The following SESN3 variants were observed in gnomAD, a reference collection of about 807,000 sequenced individuals.
SESN3 encodes the protein sestrin-3.
SESN3 carries 21 observed loss-of-function variants against 55.3 expected under a neutral mutation model. The observed-to-expected ratio is 0.38, with a 90% CI of 0.27 to 0.55. The LOEUF (loss-of-function observed/expected upper bound fraction) is 0.55. SESN3 is among the 20% of genes least tolerant of loss of function. The probability of loss-of-function intolerance (pLI) is 0.76; values close to 1 mark genes in which losing one functional copy is unlikely to be tolerated. For missense variants in SESN3, 408 were observed against 604.3 expected (o/e 0.68, Z 3.41); for synonymous variants, 181 against 203.1 (o/e 0.89, Z 0.93).
chr11:95,218,647 CT>C (rs68150878), intron 1 of SESN3, among the ~76,000 whole-genome samples: 25,107 of 121,776 alleles, frequency 0.21, 1,629 homozygotes, highest in Middle Eastern at 0.26. Flanking sequence ...GATTTACCCT[CT>C]TTTTTTTTTT....
chr11:95,198,959 T>G (rs1324344324), intron 1 of SESN3, among the ~76,000 whole-genome samples: 2 of 152,122 alleles, frequency 1.3e-5, no homozygotes, highest in Non-Finnish European at 2.9e-5. Flanking sequence ...AAAAGATTGA[T>G]TTGAATGTTA....
At chr11:95,186,471 C>G (rs1860169096) in intron 4 of SESN3, among the ~76,000 whole-genome samples, 1 of 151,630 alleles carries the variant, frequency 6.6e-6, no homozygotes, top group Admixed American at 6.6e-5. Flanking sequence ...CATCCTATGG[C>G]CAGGGGAGAT....
chr11:95,223,351 C>G (rs1349856147), intron 1 of SESN3, among the ~76,000 whole-genome samples: 1 of 152,208 alleles, frequency 6.6e-6, no homozygotes, highest in Admixed American at 6.5e-5. Flanking sequence ...TCAAGCCAAA[C>G]AGACTAACCT....
rs553823820 is a variant in SESN3, at chr11:95,168,390, GA to G, written c.*4864del. 19 of 152,144 alleles carry G rather than the reference GA, an allele frequency of 1.2e-4. No homozygotes were observed. Among genetic ancestry groups the G allele is most frequent in the Non-Finnish European group, 2.4e-4 (16 of 68,016 alleles). 9.4% of individuals were successfully genotyped at this position (152,144 alleles called of 1,614,324 possible). ...GTTATATGCTAAATTCTGAACGATAGAAATAGTTCAATTTCTGTATCATGTA... is the reference window on the plus strand; with the variant it reads ...GTTATATGCTAAATTCTGAACGATAGAATAGTTCAATTTCTGTATCATGTA... On this transcript the variant is annotated 3_prime_UTR_variant, in exon 10 of 10. Coordinates refer to ENST00000536441, the MANE Select transcript of SESN3 (RefSeq NM_144665.4).
At chr11:95,200,719 C>G (rs747594302) in intron 1 of SESN3, among the ~76,000 whole-genome samples, 2 of 152,024 alleles carry the variant, frequency 1.3e-5, no homozygotes, top group African/African-American at 2.4e-5. Flanking sequence ...CCAAGGCTAT[C>G]AAGTCCTTCC....
chr11:95,210,896 A>C (rs917812837), intron 1 of SESN3, among the ~76,000 whole-genome samples: 1 of 152,216 alleles, frequency 6.6e-6, no homozygotes, highest in South Asian at 2.1e-4. Flanking sequence ...AATACTCTAT[A>C]AACATTCTTC....
At chr11:95,182,696 G>A (rs891249639) in intron 6 of SESN3, among the ~76,000 whole-genome samples, 1 of 152,292 alleles carries the variant, frequency 6.6e-6, no homozygotes, top group African/African-American at 2.4e-5. Context: ...CCAAAATACG[G>A]TAGGTTACAT....
chr11:95,215,853 C>T (rs1381284902), intron 1 of SESN3, among the ~76,000 whole-genome samples: 2 of 152,024 alleles, frequency 1.3e-5, no homozygotes, highest in African/African-American at 2.4e-5. Flanking sequence ...AGTCCCAGCA[C>T]TTTGGGAGGC....
chr11:95,214,613 TTATA>T (rs61619892), intron 1 of SESN3, among the ~76,000 whole-genome samples: 1 of 151,294 alleles, frequency 6.6e-6, no homozygotes, highest in Admixed American at 6.6e-5. Context: ...CATCCATAAT[TTATA>T]TATATATATG....
chr11:95,198,430 C>G (rs1860403345), intron 1 of SESN3, among the ~76,000 whole-genome samples: 1 of 150,750 alleles, frequency 6.6e-6, no homozygotes, highest in Non-Finnish European at 1.5e-5. Context: ...AAGGATTGCT[C>G]TATGCTATAA....
intron 1 of SESN3, among the ~76,000 whole-genome samples, chr11:95,197,815 G>A (rs766447847): frequency 1.1e-4 from 16 of 152,072 alleles, no homozygotes; most frequent in East Asian, 3.8e-4. Context: ...CACAGGATAC[G>A]AAAATGAGCA....
intron 1 of SESN3, among the ~76,000 whole-genome samples, chr11:95,219,021 T>C (rs944850292): frequency 2.0e-5 from 3 of 152,264 alleles, no homozygotes; most frequent in East Asian, 1.9e-4. Context: ...GAATACTTAC[T>C]AGTTTATGCA....
chr11:95,203,504 A>G (rs1209088964), intron 1 of SESN3, among the ~76,000 whole-genome samples: 1 of 152,162 alleles, frequency 6.6e-6, no homozygotes, highest in Non-Finnish European at 1.5e-5. Flanking sequence ...ACTTAAAAGA[A>G]CAGAAGTCTT....
intron 1 of SESN3, among the ~76,000 whole-genome samples, chr11:95,197,105 T>G (rs994941841): frequency 6.6e-6 from 1 of 152,198 alleles, no homozygotes; most frequent in Non-Finnish European, 1.5e-5. Flanking sequence ...TCCTTCTTTC[T>G]TTCTTGTGGT....
intron 1 of SESN3, among the ~76,000 whole-genome samples, chr11:95,207,158 T>G (rs1019862472): frequency 3.9e-5 from 1 of 25,334 alleles, no homozygotes; most frequent in African/African-American, 1.2e-4. Context: ...TTTAAAACAC[T>G]TACTTCCAAA....
At chr11:95,176,546 T>C (rs7932742) in intron 8 of SESN3, among the ~76,000 whole-genome samples, 3,938 of 152,240 alleles carry the variant, frequency 0.026, 174 homozygotes, top group African/African-American at 0.09. Flanking sequence ...TAGACAGTAA[T>C]GACAGCAGAG....
In SESN3 at chr11:95,231,006, C is replaced by G. The variant is rs1861050747; in HGVS notation, c.-146G>C. On this transcript the variant is annotated 5_prime_UTR_variant, in exon 1 of 10. Transcript: ENST00000536441. ...GGCGGGATGTCGGGAGGAGAGGCGA[C>G]TGCCTGAAAGCTAGCGGCACTGCCA... 5 of 483,336 alleles carry G rather than the reference C, an allele frequency of 1.0e-5. No individual in the cohort carries two copies. In the South Asian group the frequency reaches 1.5e-4, roughly 15 times the overall value. The allele number at this position is 483,336 out of a possible 1,614,324, so 29.9% of individuals were successfully genotyped here.
chr11:95,201,032 A>G (rs1174356507), intron 1 of SESN3: 4 of 151,996 alleles, frequency 2.6e-5, no homozygotes, highest in African/African-American at 9.7e-5. Context: ...TCTAGTTTTT[A>G]CAGCTTTATG....
chr11:95,174,837 A>G (rs1003805019), intron 9 of SESN3, among the ~76,000 whole-genome samples: 2 of 152,014 alleles, frequency 1.3e-5, no homozygotes, highest in African/African-American at 4.8e-5. Flanking sequence ...TTGACTAGTA[A>G]CCCAATTTTG....
Sources: allele counts gnomAD v4.1 joint callset (sites outside exome capture counted in the v4.1 genomes callset), GRCh38; gene constraint gnomAD v4.1.1; transcripts MANE v1.5; gene names NCBI Gene and HGNC (gene_info 2026-07-23, HGNC 2026-07-21).